FREM3: variants seen among roughly 807,000 people sequenced by gnomAD.
FREM3 encodes FRAS1-related extracellular matrix protein 3.
FREM3 carries 105 observed loss-of-function variants against 129.1 expected under a neutral mutation model. That is an observed-to-expected ratio of 0.81 (90% confidence interval 0.69 to 0.96). The LOEUF is 0.96. Ranked by LOEUF, FREM3 falls within the 40% of genes least tolerant of loss-of-function variation. FREM3 has a pLI of 0.00. For synonymous variants in FREM3, 1,014 were observed against 1,044.9 expected, an observed-to-expected ratio of 0.97 and a Z score of 0.57; for missense variants, 2,593 against 2,666.3, an observed-to-expected ratio of 0.97 and a Z score of 0.61.
chr4:143,609,432 T>C (rs1465001918), intron 6 of FREM3, among the ~76,000 whole-genome samples: 1 of 152,128 alleles, frequency 6.6e-6, no homozygotes, highest in Non-Finnish European at 1.5e-5. Flanking sequence ...AAGTAAGCAT[T>C]GATTATAAAA....
intron 2 of FREM3, among the ~76,000 whole-genome samples, chr4:143,674,859 T>A (rs146587439): frequency 0.015 from 2,298 of 152,120 alleles, 40 homozygotes; most frequent in African/African-American, 0.048. Flanking sequence ...AAATATATAT[T>A]CACCCAATAC....
intron 6 of FREM3, among the ~76,000 whole-genome samples, chr4:143,604,605 G>A (rs946398991): frequency 6.6e-6 from 1 of 151,970 alleles, no homozygotes; most frequent in Non-Finnish European, 1.5e-5. Flanking sequence ...AAATCTCAGG[G>A]GTGCTGAGAA....
At chr4:143,602,032 G>GC (rs1738581654) in intron 6 of FREM3, 1 of 152,034 alleles carries the variant, frequency 6.6e-6, no homozygotes, top group Admixed American at 6.6e-5. Context: ...TCATCATTTG[G>GC]CCTAAATGAA....
At chr4:143,627,048 G>T (rs1298069523) in intron 3 of FREM3, among the ~76,000 whole-genome samples, 4 of 152,104 alleles carry the variant, frequency 2.6e-5, no homozygotes, top group Non-Finnish European at 1.5e-5. Context: ...ATGATAATCA[G>T]ATATAGTATA....
intron 6 of FREM3, among the ~76,000 whole-genome samples, chr4:143,599,847 A>G (rs936704460): frequency 2.0e-5 from 3 of 152,220 alleles, no homozygotes; most frequent in South Asian, 2.1e-4. Flanking sequence ...TCTTGTTGAT[A>G]CTAGCGCAGG....
chr4:143,621,257 T>C, intron 4 of FREM3, 95 bp from the exon 5 acceptor site: 1 of 1,140,376 alleles, frequency 8.8e-7, no homozygotes, highest in Non-Finnish European at 1.2e-6. Flanking sequence ...CCTTTGACTC[T>C]TATATTTTCC....
intron 6 of FREM3, among the ~76,000 whole-genome samples, chr4:143,609,845 T>A (rs562027176): frequency 6.6e-6 from 1 of 152,298 alleles, no homozygotes; most frequent in East Asian, 1.9e-4. Context: ...CAGATACTTT[T>A]TATAAGATAA....
At chr4:143,643,575 T>C (rs186949177) in intron 2 of FREM3, among the ~76,000 whole-genome samples, 8 of 152,186 alleles carry the variant, frequency 5.3e-5, no homozygotes, top group African/African-American at 1.9e-4. Flanking sequence ...ATGCAAATAC[T>C]GCACAGTCTC....
At position 143,697,075 on chromosome 4, in the gene FREM3, A is replaced by G; in HGVS notation, c.3601T>C (p.Phe1201Leu). The G allele has an allele frequency of 2.0e-6, 3 of 1,537,442 alleles. No individual in the cohort carries two copies. The highest frequency in any genetic ancestry group is 2.6e-6 in the Non-Finnish European group (3 of 1,146,968). The change falls in exon 1 of 8, where the codon TTT (phenylalanine) becomes CTT (leucine). Residue 1201 changes from phenylalanine to leucine, a missense_variant. Coordinates refer to ENST00000329798, the MANE Select transcript of FREM3 (RefSeq NM_001168235.2). ...AGGCTCATCCCCTCTAGTACCTTAA[A>G]CTCATGGGCAAAAAGTTTAGGCTGC... ...DEQPKLFAHEFKVLEGMSLVI... is the reference protein window; with the variant it reads ...DEQPKLFAHELKVLEGMSLVI...
At chr4:143,664,146 A>C (rs6822255) in intron 2 of FREM3, among the ~76,000 whole-genome samples, 82,539 of 151,824 alleles carry the variant, frequency 0.54, 23,518 homozygotes, top group East Asian at 0.71. Flanking sequence ...ATTCCTTTGG[A>C]GGAGGAGAGG....
Position 143,577,539 on chromosome 4 carries a change from T to C in FREM3, c.*72A>G. 1 of 1,391,650 alleles carries C rather than the reference T, an allele frequency of 7.2e-7. No homozygotes were observed. The highest frequency in any genetic ancestry group is 9.6e-7 in the Non-Finnish European group (1 of 1,039,712). The allele number at this position is 1,391,650 out of a possible 1,614,324, so 86.2% of individuals were successfully genotyped here. A position where few individuals can be genotyped will look rare whatever the true frequency, so the allele number is the denominator to read the frequency against. ...CACTGATATCCCAGAATTGCTAAGA[T>C]CTATAAACAGTAGAGTTTCATTCTG... On this transcript the variant is annotated 3_prime_UTR_variant, in exon 8 of 8. Coordinates refer to ENST00000329798, the MANE Select transcript of FREM3 (RefSeq NM_001168235.2).
chr4:143,672,014 G>A (rs905710170), intron 2 of FREM3, among the ~76,000 whole-genome samples: 2 of 152,196 alleles, frequency 1.3e-5, no homozygotes, highest in Admixed American at 6.5e-5. Flanking sequence ...GTGACATAGA[G>A]TTGTCAAGGT....
Position 143,698,138 on chromosome 4 carries a change from G to A in FREM3, c.2538C>T (p.Asn846=), listed in dbSNP as rs565652167. 24 of 1,537,480 alleles carry A rather than the reference G, an allele frequency of 1.6e-5. No homozygotes were observed. The African/African-American group carries it at 3.0e-4, about 19-fold the overall frequency. Residue 846 remains asparagine, a synonymous_variant, in exon 1 of 8, where the codon AAC becomes AAT. Transcript: ENST00000329798. ...GFAILEGGSF[N]LSSNELHVTD... is the part of the protein sequence containing the mutation. Reference sequence around the variant, plus strand: ...TAACATGCAGCTCATTACTGCTGAGGTTAAAGCTGCCTCCCTCTAAGATAG... The same window carrying A: ...TAACATGCAGCTCATTACTGCTGAGATTAAAGCTGCCTCCCTCTAAGATAG...
chr4:143,662,326 C>T (rs999189008), intron 2 of FREM3, among the ~76,000 whole-genome samples: 1 of 152,168 alleles, frequency 6.6e-6, no homozygotes, highest in Non-Finnish European at 1.5e-5. Context: ...ATCTTCATTT[C>T]TGCCTTCATT....
At chr4:143,595,653 C>T (rs1011462041) in intron 6 of FREM3, among the ~76,000 whole-genome samples, 41 of 152,130 alleles carry the variant, frequency 2.7e-4, no homozygotes, top group Middle Eastern at 3.4e-3. Flanking sequence ...TTTGGGAGGC[C>T]AAGGTGGGCG....
In FREM3 at chr4:143,700,002, C is replaced by T. The variant is rs954380930; in HGVS notation, c.674G>A (p.Arg225His). 1.3e-6 allele frequency: 2 copies of T among 1,501,884 alleles called. No individual in the cohort carries two copies. The highest frequency in any genetic ancestry group is 1.3e-5 in the South Asian group (1 of 78,532). 93.0% of individuals were successfully genotyped at this position (1,501,884 alleles called of 1,614,324 possible). A position where few individuals can be genotyped will look rare whatever the true frequency, so the allele number is the denominator to read the frequency against. The change falls in exon 1 of 8, where the codon CGC becomes CAC. Residue 225 changes from arginine (R) to histidine (H), a missense_variant. Arg to His is a conservative substitution (Grantham distance 29). This residue lies in a region of FREM3 where 2,276 missense variants were observed against 2,267.2 expected (regional missense o/e 1.00). Transcript: ENST00000329798. Reference sequence around the variant, plus strand: ...AGGGGCCCCCACCGCGTCCACCAAGCGCCCGTACTTGGGCAGGGGGCCGTC... The same window carrying T: ...AGGGGCCCCCACCGCGTCCACCAAGTGCCCGTACTTGGGCAGGGGGCCGTC... ...HEDGPLPKYG[R>H]LVDAVGAPLP...
chr4:143,596,887 A>G (rs1282918528), intron 6 of FREM3, among the ~76,000 whole-genome samples: 3 of 152,148 alleles, frequency 2.0e-5, no homozygotes, highest in Non-Finnish European at 4.4e-5. Context: ...GCAGTGAGCC[A>G]TGATTGTACC....
Position 143,696,916 on chromosome 4 carries a change from T to A in FREM3, c.3760A>T (p.Ser1254Cys). The A allele has an allele frequency of 4.6e-6, 7 of 1,537,540 alleles. No homozygotes were observed. The highest frequency in any genetic ancestry group is 6.1e-6 in the Non-Finnish European group (7 of 1,146,988). Residue 1254 changes from serine to cysteine, a missense_variant, in exon 1 of 8, where the codon AGC becomes TGC. By Grantham distance (112) the Ser-to-Cys change is moderately radical. Around this residue, in one of 2 missense-constraint regions of FREM3, gnomAD observed 2,276 missense variants for 2,267.2 expected, o/e 1.00. Transcript: ENST00000329798. ...TCCTGGATCTCCTTGAGGGTGAAGC[T>A]GTGGATGGGCTGGCTGCCTGTAGCC... Reference protein sequence around the residue: ...QLATGSQPIHSFTLKEIQEAS... With the variant: ...QLATGSQPIHCFTLKEIQEAS...
intron 2 of FREM3, among the ~76,000 whole-genome samples, chr4:143,641,003 T>C (rs1298453215): frequency 6.6e-6 from 1 of 152,142 alleles, no homozygotes; most frequent in Non-Finnish European, 1.5e-5. Context: ...GTATAATAAA[T>C]AAAAACAAAT....
Sources: gnomAD v4.1 joint callset for allele counts (sites outside exome capture counted in the v4.1 genomes callset) on GRCh38, gnomAD v4.1.1 for gene constraint, gnomAD v4.1.1 regional missense constraint, MANE v1.5 for transcripts, NCBI Gene and HGNC (gene_info 2026-07-23, HGNC 2026-07-21) for gene names.